The following PRDM13 variants were observed in gnomAD, a reference collection of about 807,000 sequenced individuals.
The protein encoded by PRDM13 is PR/SET domain 13, also known as PR domain zinc finger protein 13.
In PRDM13, 15 loss-of-function variants were observed where a neutral mutation model predicts 36.4. The ratio of observed to expected loss-of-function variants is 0.41; its 90% CI spans 0.28 to 0.64. PRDM13 has a LOEUF of 0.64. Among genes scored for constraint, PRDM13 ranks in the 30% least tolerant of loss-of-function variants. The pLI is 0.29. For missense variants in PRDM13, 1,044 were observed against 1,013.5 expected (o/e 1.03, Z -0.41); for synonymous variants, 531 against 467.7 (o/e 1.14, Z -1.75).
rs1187403990 is a variant in PRDM13, at chr6:99,613,471, C to T, written c.836C>T (p.Ser279Leu). ...GHFLGIVGGS[S>L]AGVGSLAFYP... The stretch of plus-strand genomic sequence containing the variant: ...TTCCTCGGCATCGTGGGCGGCTCCT[C>T]GGCGGGGGTCGGCAGCCTGGCTTTC... The change falls in exon 4 of 4, where the codon TCG becomes TTG. Residue 279 changes from serine (S) to leucine (L), a missense_variant. Ser to Leu is a moderately radical substitution (Grantham distance 145). Coordinates refer to ENST00000369215, the MANE Select transcript of PRDM13 (RefSeq NM_021620.4). The surrounding 1 kb of genome is among the most constrained non-coding windows in gnomAD (Gnocchi z 6.1). The T allele has an allele frequency of 2.6e-6, 4 of 1,529,362 alleles. No individual in the cohort carries two copies. The highest frequency in any genetic ancestry group is 1.7e-4 in the Middle Eastern group (1 of 5,818). The allele number at this position is 1,529,362 out of a possible 1,614,324, so 94.7% of individuals were successfully genotyped here. A position where few individuals can be genotyped will look rare whatever the true frequency, so the allele number is the denominator to read the frequency against.
chr6:99,609,384 C>T (rs1770000280), intron 3 of PRDM13, 77 bp downstream of exon 3: 1 of 1,529,774 alleles, frequency 6.5e-7, no homozygotes, highest in Admixed American at 1.7e-5. Flanking sequence ...CTAGACATAG[C>T]TCGATCTATG....
At chr6:99,611,912 C>T (rs1223261727) in intron 3 of PRDM13, among the ~76,000 whole-genome samples, 1 of 152,168 alleles carries the variant, frequency 6.6e-6, no homozygotes, top group Admixed American at 6.5e-5. Flanking sequence ...GATCATTTCT[C>T]TCTACAGCAG....
Position 99,614,500 on chromosome 6 carries a change from T to C in PRDM13, c.1865T>C (p.Leu622Pro). 1 of 1,613,340 alleles carries C rather than the reference T, an allele frequency of 6.2e-7. No individual in the cohort carries two copies. Among genetic ancestry groups the C allele is most frequent in the South Asian group, 1.1e-5 (1 of 91,088 alleles). ...DPSNLNKHIRLHAEGNTPYRC... is the reference protein window; with the variant it reads ...DPSNLNKHIRPHAEGNTPYRC... Reference sequence around the variant, plus strand: ...AGCAATCTCAACAAGCACATCCGGCTGCACGCCGAGGGCAATACGCCCTAC... The same window carrying C: ...AGCAATCTCAACAAGCACATCCGGCCGCACGCCGAGGGCAATACGCCCTAC... Residue 622 changes from leucine to proline, a missense_variant, in exon 4 of 4, where the codon CTG becomes CCG. Physicochemically the swap from Leu to Pro is moderately conservative, Grantham distance 98. Transcript: ENST00000369215.
chr6:99,613,298 C>T lies in PRDM13; in HGVS notation c.663C>T (p.Cys221=). The change falls in exon 4 of 4, where the codon TGC becomes TGT. Residue 221 remains cysteine, a synonymous_variant. Transcript: ENST00000369215. The surrounding 1 kb of genome is among the most constrained non-coding windows in gnomAD (Gnocchi z 6.1). ...HPLGPPPVQA[C]GAREGIKREA... ...TGGGCCCGCCACCAGTTCAGGCCTGCGGTGCGCGGGAGGGCATCAAGCGCG... is the reference window on the plus strand; with the variant it reads ...TGGGCCCGCCACCAGTTCAGGCCTGTGGTGCGCGGGAGGGCATCAAGCGCG... 2 of 1,576,782 alleles carry T rather than the reference C, an allele frequency of 1.3e-6. No homozygotes were observed. Among genetic ancestry groups the T allele is most frequent in the East Asian group, 2.3e-5 (1 of 42,990 alleles).
In PRDM13 at chr6:99,614,006, C is replaced by A. The variant is rs750384764; in HGVS notation, c.1371C>A (p.Ala457=). The A allele has an allele frequency of 1.9e-6, 3 of 1,609,870 alleles. No individual in the cohort carries two copies. The highest frequency in any genetic ancestry group is 2.5e-6 in the Non-Finnish European group (3 of 1,178,966). Reference sequence around the variant, plus strand: ...GTGGTGAGTGCAGCCACCTGCCCGCCGTCATGCCGGCCTTTACAGTCTACA... The same window carrying A: ...GTGGTGAGTGCAGCCACCTGCCCGCAGTCATGCCGGCCTTTACAGTCTACA... ...YPGGECSHLP[A]VMPAFTVYNG... The change falls in exon 4 of 4, where the codon GCC becomes GCA. Residue 457 remains alanine (A), a synonymous_variant. Coordinates refer to ENST00000369215, the MANE Select transcript of PRDM13 (RefSeq NM_021620.4).
At chr6:99,610,879 T>C (rs1770020927) in intron 3 of PRDM13, among the ~76,000 whole-genome samples, 1 of 152,186 alleles carries the variant, frequency 6.6e-6, no homozygotes, top group Non-Finnish European at 1.5e-5. Flanking sequence ...GTGTTTTCCT[T>C]TCAGCCAATT....
chr6:99,610,220 C>A (rs548736355), intron 3 of PRDM13, among the ~76,000 whole-genome samples: 89 of 152,190 alleles, frequency 5.8e-4, no homozygotes, highest in Non-Finnish European at 9.7e-4. Context: ...CGGATTTATG[C>A]AAATTAAGGT....
At position 99,607,182 on chromosome 6, in the gene PRDM13, T is replaced by C. The variant is rs1328906254; in HGVS notation, c.144+4T>C. On this transcript the variant is annotated splice_donor_region_variant and intron_variant, in intron 1 of 3. Coordinates refer to ENST00000369215, the MANE Select transcript of PRDM13 (RefSeq NM_021620.4). ...GGAGCCCGGGCCTAAGAAAAAGGTA[T>C]TGACCATTCAGACCTCTGCCCACTG... is the stretch of plus-strand genomic sequence containing the variant. The C allele has an allele frequency of 1.2e-6, 2 of 1,613,452 alleles. No individual in the cohort carries two copies. Among genetic ancestry groups the C allele is most frequent in the African/African-American group, 2.7e-5 (2 of 74,890 alleles).
chr6:99,610,646 T>C (rs1770017100), intron 3 of PRDM13, among the ~76,000 whole-genome samples: 1 of 152,250 alleles, frequency 6.6e-6, no homozygotes, highest in Non-Finnish European at 1.5e-5. Flanking sequence ...ATTCAAATTA[T>C]CCTAAAATAG....
In PRDM13 at chr6:99,614,769, C is replaced by T. The variant is rs760922223; in HGVS notation, c.*10C>T. 1 of 1,557,528 alleles carries T rather than the reference C, an allele frequency of 6.4e-7. No homozygotes were observed. Among genetic ancestry groups the T allele is most frequent in the Non-Finnish European group, 8.7e-7 (1 of 1,153,546 alleles). On this transcript the variant is annotated 3_prime_UTR_variant, in exon 4 of 4. Transcript: ENST00000369215. ...GGAGCGCGACTTGTAACGAGTCTTC[C>T]CGGGAAGGGGCGGGGTGAGGACAGA...
Position 99,608,859 on chromosome 6 carries a change from T to C in PRDM13, c.263T>C (p.Leu88Ser), listed in dbSNP as rs1769991274. The change falls in exon 2 of 4, where the codon TTA (leucine) becomes TCA (serine). Residue 88 changes from leucine (L) to serine (S), a missense_variant. Coordinates refer to ENST00000369215, the MANE Select transcript of PRDM13 (RefSeq NM_021620.4). The stretch of plus-strand genomic sequence containing the variant: ...CAGACTCTGGAAGCTATTGCAGACT[T>C]ACCCGGAGGACAGGTACTGCGGGCT... ...QEQTLEAIAD[L>S]PGGQIFYRAL... The C allele has an allele frequency of 6.2e-7, 1 of 1,613,196 alleles. No individual in the cohort carries two copies. The highest frequency in any genetic ancestry group is 8.5e-7 in the Non-Finnish European group (1 of 1,179,722).
At chr6:99,607,858 G>A (rs1177858639) in intron 1 of PRDM13, among the ~76,000 whole-genome samples, 3 of 152,228 alleles carry the variant, frequency 2.0e-5, no homozygotes, top group Admixed American at 2.0e-4. Flanking sequence ...GCCCAACCGG[G>A]AGGCGCCAGG....
In PRDM13 at chr6:99,614,977, C is replaced by T; in HGVS notation, c.*218C>T. ...GGCGTAAATCTGGCCACCTGGAGAG[C>T]TCGAGTGCCACCAGTACCTCCGCAC... On this transcript the variant is annotated 3_prime_UTR_variant, in exon 4 of 4. Transcript: ENST00000369215. The T allele has an allele frequency of 1.5e-6, 1 of 655,932 alleles. No individual in the cohort carries two copies. Among genetic ancestry groups the T allele is most frequent in the Non-Finnish European group, 2.5e-6 (1 of 402,016 alleles). The allele number at this position is 655,932 out of a possible 1,614,324, so 40.6% of individuals were successfully genotyped here.
chr6:99,609,988 T>A (rs1340343697), intron 3 of PRDM13, among the ~76,000 whole-genome samples: 2 of 152,256 alleles, frequency 1.3e-5, no homozygotes, highest in African/African-American at 4.8e-5. Flanking sequence ...TGGAATGCTT[T>A]TACAAAGTCC....
rs1374353887 is a variant in PRDM13 at position 99,613,236 on chromosome 6, G to C, written c.601G>C (p.Ala201Pro). Residue 201 changes from alanine to proline, a missense_variant, in exon 4 of 4, where the codon GCG (alanine) becomes CCG (proline). Coordinates refer to ENST00000369215, the MANE Select transcript of PRDM13 (RefSeq NM_021620.4). This position sits in a 1 kb window ranked among gnomAD's most constrained non-coding sequence, Gnocchi z 6.1. The stretch of plus-strand genomic sequence containing the variant: ...AAAACCCCCGGCGCCCGATTTCGCC[G>C]CGCCTTCCCAGGCAGGAACTTTGCG... ...SPKPPAPDFA[A>P]PSQAGTLRPH... is the part of the protein sequence containing the mutation. 2 of 1,610,820 alleles carry C rather than the reference G, an allele frequency of 1.2e-6. No homozygotes were observed. The highest frequency in any genetic ancestry group is 2.2e-5 in the South Asian group (2 of 90,818).
chr6:99,608,980 C>G (rs558340069), intron 2 of PRDM13, 108 bp downstream of exon 2: 1 of 1,459,908 alleles, frequency 6.8e-7, no homozygotes, highest in East Asian at 2.4e-5. Context: ...TTTAGCTAGA[C>G]GTCTCATTTA....
rs1191881487 is a variant in PRDM13 at position 99,613,683 on chromosome 6, G to A, written c.1048G>A (p.Ala350Thr). Residue 350 changes from alanine to threonine, a missense_variant, in exon 4 of 4, where the codon GCG (alanine) becomes ACG (threonine). Ala to Thr is a moderately conservative substitution (Grantham distance 58). Around this residue, in one of 3 missense-constraint regions of PRDM13, gnomAD observed 921 missense variants for 865.2 expected, o/e 1.06. Coordinates refer to ENST00000369215, the MANE Select transcript of PRDM13 (RefSeq NM_021620.4). This position sits in a 1 kb window ranked among gnomAD's most constrained non-coding sequence, Gnocchi z 6.1. ...GSGENSAAGG[A>T]GHHHHHHAHH... ...CGGGGAGAACTCGGCGGCGGGCGGC[G>A]CGGGTCACCACCATCACCACCACGC... is the stretch of plus-strand genomic sequence containing the variant. 1.7e-5 allele frequency: 25 copies of A among 1,430,038 alleles called. No homozygotes were observed. Among genetic ancestry groups the A allele is most frequent in the Non-Finnish European group, 2.3e-5 (25 of 1,107,190 alleles). 88.6% of individuals were successfully genotyped at this position (1,430,038 alleles called of 1,614,324 possible). A position where few individuals can be genotyped will look rare whatever the true frequency, so the allele number is the denominator to read the frequency against.
At position 99,614,713 on chromosome 6, in the gene PRDM13, A is replaced by G; in HGVS notation, c.2078A>G (p.Asp693Gly). 6.3e-7 allele frequency: 1 copy of G among 1,597,500 alleles called. No individual in the cohort carries two copies. The highest frequency in any genetic ancestry group is 8.5e-7 in the Non-Finnish European group (1 of 1,171,786). The change falls in exon 4 of 4, where the codon GAC becomes GGC. Residue 693 changes from aspartate (D) to glycine (G), a missense_variant. Asp to Gly is a moderately conservative substitution (Grantham distance 94). Coordinates refer to ENST00000369215, the MANE Select transcript of PRDM13 (RefSeq NM_021620.4). ...DSDVDVCFTDDQSDPEVGGGG... is the reference protein window; with the variant it reads ...DSDVDVCFTDGQSDPEVGGGG... The stretch of plus-strand genomic sequence containing the variant: ...GACGTGGACGTCTGCTTCACAGACG[A>G]CCAGAGCGACCCCGAGGTTGGGGGC...
rs1769952872 is a variant in PRDM13 at position 99,606,913 on chromosome 6, C to T, written c.-122C>T. On this transcript the variant is annotated 5_prime_UTR_variant, in exon 1 of 4. Transcript: ENST00000369215. ...GCAGTGCATGCCCGCCCGCGTCACT[C>T]CGCGGGCGGAGGACGCACGTCGGGG... The T allele has an allele frequency of 3.0e-6, 4 of 1,313,182 alleles. No homozygotes were observed. The highest frequency in any genetic ancestry group is 2.7e-4 in the Middle Eastern group (1 of 3,650). 81.3% of individuals were successfully genotyped at this position (1,313,182 alleles called of 1,614,324 possible).
Sources: gnomAD v4.1 joint callset for allele counts (sites outside exome capture counted in the v4.1 genomes callset) on GRCh38, gnomAD v4.1.1 for gene constraint, gnomAD v4.1.1 regional missense constraint, Gnocchi (gnomAD v3.1) non-coding constraint, MANE v1.5 for transcripts, NCBI Gene and HGNC (gene_info 2026-07-23, HGNC 2026-07-21) for gene names.